Variants in EXOC2 observed in about 807,000 individuals in gnomAD.
EXOC2 encodes exocyst complex component 2.
In EXOC2, 70 loss-of-function variants were observed where a neutral mutation model predicts 131.8. That is an observed-to-expected ratio of 0.53 (90% CI 0.44 to 0.65). EXOC2 has a LOEUF of 0.65. EXOC2 is among the 30% of genes least tolerant of loss of function. The pLI, the probability that EXOC2 is intolerant of heterozygous loss-of-function variation, is 0.00. For synonymous variants in EXOC2, 411 were observed against 398.4 expected, an observed-to-expected ratio of 1.03 and a Z score of -0.38; for missense variants, 923 against 1,108.6, an observed-to-expected ratio of 0.83 and a Z score of 2.38.
chr6:612,190 C>T (rs1428566279), intron 6 of EXOC2, among the ~76,000 whole-genome samples: 3 of 152,208 alleles, frequency 2.0e-5, no homozygotes, highest in Non-Finnish European at 4.4e-5. Flanking sequence ...CTATGAAGAA[C>T]CAAACAGTCA....
chr6:626,483 T>C (rs1050078961), intron 4 of EXOC2, among the ~76,000 whole-genome samples: 1 of 152,206 alleles, frequency 6.6e-6, no homozygotes, highest in Non-Finnish European at 1.5e-5. Flanking sequence ...GTGTGCACGC[T>C]AGACCGTCAG....
At chr6:669,675 G>C (rs1322604040) in intron 1 of EXOC2, 1 of 151,784 alleles carries the variant, frequency 6.6e-6, no homozygotes, top group Non-Finnish European at 1.5e-5. Context: ...TGGAAGGATG[G>C]AGAAGGATGG....
chr6:561,715 A>C (rs567482972), intron 17 of EXOC2, among the ~76,000 whole-genome samples: 6 of 152,124 alleles, frequency 3.9e-5, no homozygotes, highest in African/African-American at 1.4e-4. Flanking sequence ...CCTCCTGAGT[A>C]GCTAGGATTA....
intron 27 of EXOC2, among the ~76,000 whole-genome samples, chr6:488,678 G>C (rs1763241074): frequency 6.6e-6 from 1 of 151,824 alleles, no homozygotes; most frequent in Admixed American, 6.6e-5. Context: ...TACTGAATAA[G>C]TCATAGATAG....
intron 13 of EXOC2, among the ~76,000 whole-genome samples, chr6:572,122 G>T (rs1199218525): frequency 6.6e-6 from 1 of 152,194 alleles, no homozygotes; most frequent in Admixed American, 6.5e-5. Flanking sequence ...TTTGTTCCGG[G>T]TGCCGGCTGC....
intron 11 of EXOC2, among the ~76,000 whole-genome samples, chr6:580,365 A>G (rs1363932751): frequency 6.6e-6 from 1 of 152,100 alleles, no homozygotes; most frequent in Non-Finnish European, 1.5e-5. Flanking sequence ...AACATCCCGT[A>G]ACAACATAAA....
At chr6:651,887 C>G (rs182132477) in intron 1 of EXOC2, among the ~76,000 whole-genome samples, 51 of 151,782 alleles carry the variant, frequency 3.4e-4, no homozygotes, top group African/African-American at 1.2e-3. Context: ...GAAACCCCAC[C>G]TCTACTAAAA....
At chr6:549,110 G>T in intron 22 of EXOC2, 65 bp downstream of exon 22, 1 of 1,359,436 alleles carries the variant, frequency 7.4e-7, no homozygotes, top group Non-Finnish European at 1.1e-6. Context: ...ACACAGGCTA[G>T]GAAACAGCTT....
chr6:677,672 T>C (rs1210291432), intron 1 of EXOC2, among the ~76,000 whole-genome samples: 1 of 152,174 alleles, frequency 6.6e-6, no homozygotes. Flanking sequence ...TTTCACCATG[T>C]TGGTCGGGCT....
At chr6:655,747 G>A (rs1763043564) in intron 1 of EXOC2, among the ~76,000 whole-genome samples, 1 of 152,096 alleles carries the variant, frequency 6.6e-6, no homozygotes, top group Non-Finnish European at 1.5e-5. Context: ...TTTAAAAGGA[G>A]AACTTTCCCG....
At chr6:659,922 G>A (rs1290577604) in intron 1 of EXOC2, among the ~76,000 whole-genome samples, 1 of 151,034 alleles carries the variant, frequency 6.6e-6, no homozygotes, top group African/African-American at 2.4e-5. Context: ...ACAGAACCCA[G>A]CCTTTTTAGT....
chr6:618,253 C>A (rs1761110712), intron 5 of EXOC2, among the ~76,000 whole-genome samples: 1 of 152,170 alleles, frequency 6.6e-6, no homozygotes, highest in African/African-American at 2.4e-5. Flanking sequence ...TTCACTGAAG[C>A]ATTGTGGAAC....
chr6:610,094 T>C lies in EXOC2; in HGVS notation c.742+4A>G, dbSNP rs778592345. ...ATAGTTCTGGGTAGTAGGACAAAACTTACTGTTCAGAACATTCTCCAGTTT... is the reference window on the plus strand; with the variant it reads ...ATAGTTCTGGGTAGTAGGACAAAACCTACTGTTCAGAACATTCTCCAGTTT... On this transcript the variant is annotated splice_donor_region_variant and intron_variant, in intron 7 of 27. Coordinates refer to ENST00000230449, the MANE Select transcript of EXOC2 (RefSeq NM_018303.6). 2 of 1,613,250 alleles carry C rather than the reference T, an allele frequency of 1.2e-6. No homozygotes were observed. Among genetic ancestry groups the C allele is most frequent in the African/African-American group, 2.7e-5 (2 of 74,894 alleles).
chr6:541,611 A>G (rs1322093097), intron 22 of EXOC2, among the ~76,000 whole-genome samples: 4 of 135,142 alleles, frequency 3.0e-5, no homozygotes, highest in Non-Finnish European at 6.9e-5. Flanking sequence ...AAGTACAAAT[A>G]AGGACCACAT....
intron 21 of EXOC2, among the ~76,000 whole-genome samples, chr6:551,311 C>T (rs1757131618): frequency 6.6e-6 from 1 of 152,228 alleles, no homozygotes; most frequent in Admixed American, 6.5e-5. Context: ...CTTACCACAG[C>T]TGCTTCCCTT....
intron 22 of EXOC2, among the ~76,000 whole-genome samples, chr6:538,794 C>T (rs891916001): frequency 9.2e-5 from 14 of 152,232 alleles, no homozygotes; most frequent in African/African-American, 3.1e-4. Context: ...AAATATCTGG[C>T]CGGGCACAGT....
At chr6:541,686 T>C (rs1756553487) in intron 22 of EXOC2, among the ~76,000 whole-genome samples, 1 of 152,208 alleles carries the variant, frequency 6.6e-6, no homozygotes, top group African/African-American at 2.4e-5. Context: ...TTTGAAAATT[T>C]AAGCAAAATG....
intron 7 of EXOC2, among the ~76,000 whole-genome samples, chr6:604,435 T>A (rs1221262591): frequency 6.6e-6 from 1 of 152,180 alleles, no homozygotes; most frequent in Non-Finnish European, 1.5e-5. Context: ...ACCGTCCACT[T>A]CTGGCTGCTC....
Position 534,042 on chromosome 6 carries a change from C to T in EXOC2, c.2239-1432G>A, listed in dbSNP as rs116305255. On this transcript the variant is annotated intron_variant, in intron 22 of 27. Transcript: ENST00000230449. Reference sequence around the variant, plus strand: ...CAAAACAAGATTTCCAGAGGTGAAACATACAACTTCCAAAGCTAACAAATG... The same window carrying T: ...CAAAACAAGATTTCCAGAGGTGAAATATACAACTTCCAAAGCTAACAAATG... Among the ~76,000 whole-genome samples the T allele has an allele frequency of 4.6e-3, 696 of 152,248 alleles. 4 individuals are homozygous for T. The highest frequency in any genetic ancestry group is 0.014 in the African/African-American group (575 of 41,556).
Sources: gnomAD v4.1 joint callset for allele counts (sites outside exome capture counted in the v4.1 genomes callset) on GRCh38, gnomAD v4.1.1 for gene constraint, MANE v1.5 for transcripts, NCBI Gene and HGNC (gene_info 2026-07-23, HGNC 2026-07-21) for gene names.